The following GULP1 variants were observed in gnomAD, a reference collection of about 807,000 sequenced individuals.
The protein encoded by GULP1 is PTB domain-containing engulfment adapter protein 1.
In GULP1, 19 loss-of-function variants were observed where a neutral mutation model predicts 40.9. The observed-to-expected ratio is 0.46, with a 90% CI of 0.32 to 0.68. The LOEUF (loss-of-function observed/expected upper bound fraction) is 0.68, where lower values mean the gene tolerates loss of function less well. GULP1 is among the 30% of genes least tolerant of loss of function. The probability of loss-of-function intolerance (pLI) is 0.03; values close to 1 mark genes in which losing one functional copy is unlikely to be tolerated. For missense variants in GULP1, 312 were observed against 362.2 expected (o/e 0.86, Z 1.12); for synonymous variants, 119 against 117.6 (o/e 1.01, Z -0.08).
chr2:188,462,783 T>G (rs368114106), intron 2 of GULP1, among the ~76,000 whole-genome samples: 2 of 152,112 alleles, frequency 1.3e-5, no homozygotes, highest in South Asian at 2.1e-4. Flanking sequence ...TCATTATATA[T>G]TTTTTTGCTT....
At chr2:188,431,310 C>T (rs578046267) in intron 2 of GULP1, among the ~76,000 whole-genome samples, 1 of 151,896 alleles carries the variant, frequency 6.6e-6, no homozygotes, top group South Asian at 2.1e-4. Context: ...AAAAGTGTTA[C>T]AGGAGCCAAC....
intron 3 of GULP1, among the ~76,000 whole-genome samples, chr2:188,480,821 C>T (rs916380720): frequency 6.6e-6 from 1 of 151,614 alleles, no homozygotes; most frequent in African/African-American, 2.4e-5. Flanking sequence ...TTTTTTTAAA[C>T]TTAGTTGACA....
chr2:188,344,395 G>A (rs112190977), intron 1 of GULP1, among the ~76,000 whole-genome samples: 4 of 152,318 alleles, frequency 2.6e-5, no homozygotes, highest in South Asian at 2.1e-4. Flanking sequence ...AGCTGGTTAA[G>A]TGGAACTCTG....
chr2:188,430,014 T>TA (rs1488696736), intron 2 of GULP1, among the ~76,000 whole-genome samples: 1 of 152,152 alleles, frequency 6.6e-6, no homozygotes, highest in Non-Finnish European at 1.5e-5. Context: ...GTGGAAGCTG[T>TA]AAAAAAATTT....
At chr2:188,527,896 T>C (rs1686588945) in intron 5 of GULP1, among the ~76,000 whole-genome samples, 1 of 152,186 alleles carries the variant, frequency 6.6e-6, no homozygotes, top group Non-Finnish European at 1.5e-5. Flanking sequence ...AAATACACAG[T>C]GCAAGTAACT....
chr2:188,569,315 A>T lies in GULP1; in HGVS notation c.476A>T (p.Asp159Val). 6.3e-7 allele frequency: 1 copy of T among 1,598,308 alleles called. No homozygotes were observed. The highest frequency in any genetic ancestry group is 8.6e-7 in the Non-Finnish European group (1 of 1,165,722). Residue 159 changes from aspartate to valine, a missense_variant, in exon 8 of 12, where the codon GAT becomes GTT. By Grantham distance (152) the Asp-to-Val change is radical. Coordinates refer to ENST00000409830, the MANE Select transcript of GULP1 (RefSeq NM_016315.4). ...YRKFLESGGK[D>V]VETRKQIAGL... Reference sequence around the variant, plus strand: ...AAATTTCTAGAATCAGGAGGAAAAGATGTTGAAACAAGAAAACAGATCGCA... The same window carrying T: ...AAATTTCTAGAATCAGGAGGAAAAGTTGTTGAAACAAGAAAACAGATCGCA...
chr2:188,410,118 G>C (rs2053668036), intron 2 of GULP1, among the ~76,000 whole-genome samples: 1 of 152,114 alleles, frequency 6.6e-6, no homozygotes, highest in African/African-American at 2.4e-5. Flanking sequence ...TCAATAAACA[G>C]TGCTGGAAAA....
chr2:188,407,934 A>C (rs2053343063), intron 2 of GULP1, among the ~76,000 whole-genome samples: 1 of 152,250 alleles, frequency 6.6e-6, no homozygotes, highest in African/African-American at 2.4e-5. Context: ...ACAGATTAAA[A>C]GTAAAAGGAT....
At chr2:188,343,260 G>A (rs2152198799) in intron 1 of GULP1, among the ~76,000 whole-genome samples, 1 of 152,236 alleles carries the variant, frequency 6.6e-6, no homozygotes, top group Non-Finnish European at 1.5e-5. Flanking sequence ...ATGAAGAAAT[G>A]TGGACAGCAA....
At position 188,582,972 on chromosome 2, in the gene GULP1, A is replaced by C. The variant is rs757379522; in HGVS notation, c.610-1293A>C. 3.0e-4 allele frequency among the ~76,000 whole-genome samples: 45 copies of C among 152,338 alleles called. 1 individual carries two copies. Among genetic ancestry groups the C allele is most frequent in the Middle Eastern group, 6.8e-3 (2 of 292 alleles). On this transcript the variant is annotated intron_variant, in intron 9 of 11. Transcript: ENST00000409830. ...TTAGCCTTGAAGGAAAAAGAAAAACAGAATAGAGGCTGGAAGATTAAAGAG... is the reference window on the plus strand; with the variant it reads ...TTAGCCTTGAAGGAAAAAGAAAAACCGAATAGAGGCTGGAAGATTAAAGAG...
intron 5 of GULP1, among the ~76,000 whole-genome samples, chr2:188,526,631 A>G (rs1432156774): frequency 6.6e-6 from 1 of 152,118 alleles, no homozygotes; most frequent in Admixed American, 6.6e-5. Context: ...AGAATATTAA[A>G]CTGAATAAAA....
intron 7 of GULP1, among the ~76,000 whole-genome samples, chr2:188,548,324 A>G (rs942462808): frequency 6.6e-6 from 1 of 152,122 alleles, no homozygotes. Flanking sequence ...GCTGTATACT[A>G]GTAGTGAACA....
At chr2:188,370,545 T>G (rs2047464757) in intron 1 of GULP1, among the ~76,000 whole-genome samples, 1 of 152,200 alleles carries the variant, frequency 6.6e-6, no homozygotes, top group Admixed American at 6.5e-5. Flanking sequence ...AACTACTTTA[T>G]GGGTTATTTC....
At chr2:188,300,580 A>G (rs866786106) in intron 1 of GULP1, among the ~76,000 whole-genome samples, 1 of 152,296 alleles carries the variant, frequency 6.6e-6, no homozygotes, top group South Asian at 2.1e-4. Flanking sequence ...TAATTAAAAC[A>G]TATATAACAT....
chr2:188,522,053 G>A (rs1477337703), intron 4 of GULP1, among the ~76,000 whole-genome samples: 1 of 152,142 alleles, frequency 6.6e-6, no homozygotes, highest in Admixed American at 6.5e-5. Context: ...TCTGGCCTGG[G>A]CGAAAGAGTG....
chr2:188,545,761 C>A (rs1159317112), intron 7 of GULP1, among the ~76,000 whole-genome samples: 1 of 151,842 alleles, frequency 6.6e-6, no homozygotes, highest in Non-Finnish European at 1.5e-5. Flanking sequence ...AATGGTCTAA[C>A]TACACCAGTT....
chr2:188,590,935 A>T (rs1703432275), intron 11 of GULP1: 2 of 152,178 alleles, frequency 1.3e-5, no homozygotes, highest in African/African-American at 4.8e-5. Context: ...TCAACATTTT[A>T]AAATATTTAA....
chr2:188,526,204 A>G (rs2153230822), intron 5 of GULP1, among the ~76,000 whole-genome samples: 1 of 152,288 alleles, frequency 6.6e-6, no homozygotes, highest in East Asian at 1.9e-4. Flanking sequence ...GTACTACTCC[A>G]TCCTTCCCCA....
intron 1 of GULP1, among the ~76,000 whole-genome samples, chr2:188,356,374 T>C (rs1006150459): frequency 6.6e-6 from 1 of 152,092 alleles, no homozygotes; most frequent in Non-Finnish European, 1.5e-5. Context: ...AAAAAATCAG[T>C]AGTGTTTCTA....
Sources: allele counts gnomAD v4.1 joint callset (sites outside exome capture counted in the v4.1 genomes callset), GRCh38; gene constraint gnomAD v4.1.1; transcripts MANE v1.5; gene names NCBI Gene and HGNC (gene_info 2026-07-23, HGNC 2026-07-21).